The following RSU1 variants were observed in gnomAD, a reference collection of about 807,000 sequenced individuals.
The protein encoded by RSU1 is rsu-1.
Under a neutral mutation model 31.1 loss-of-function variants are expected in RSU1, and 26 were observed. The ratio of observed to expected loss-of-function variants is 0.84; its 90% CI spans 0.61 to 1.16. The LOEUF is 1.16. RSU1 is among the 50% of genes most tolerant of loss of function. RSU1 has a pLI of 0.00. For missense variants in RSU1, 320 were observed against 339.1 expected, an observed-to-expected ratio of 0.94 and a Z score of 0.44; for synonymous variants, 164 against 136.3, an observed-to-expected ratio of 1.20 and a Z score of -1.41.
intron 7 of RSU1, among the ~76,000 whole-genome samples, chr10:16,698,146 G>C (rs1009359455): frequency 6.6e-6 from 1 of 151,782 alleles, no homozygotes; most frequent in Non-Finnish European, 1.5e-5. Context: ...GAAAGGATCC[G>C]GGAAGGATGA....
At chr10:16,637,551 C>T (rs539169802) in intron 8 of RSU1, among the ~76,000 whole-genome samples, 7 of 151,800 alleles carry the variant, frequency 4.6e-5, no homozygotes, top group South Asian at 2.1e-4. Context: ...AATCCTTAGG[C>T]GGGGATGATC....
chr10:16,762,846 C>G (rs1459816380), intron 4 of RSU1, among the ~76,000 whole-genome samples: 1 of 152,058 alleles, frequency 6.6e-6, no homozygotes, highest in Non-Finnish European at 1.5e-5. Flanking sequence ...AACCCCATCT[C>G]TACTAAAAAT....
chr10:16,716,497 G>A (rs974202642), intron 7 of RSU1, among the ~76,000 whole-genome samples: 1 of 152,010 alleles, frequency 6.6e-6, no homozygotes, highest in African/African-American at 2.4e-5. Context: ...AGTCGGGTAG[G>A]GAATGAGAGG....
chr10:16,672,220 G>A (rs906323714), intron 8 of RSU1, among the ~76,000 whole-genome samples: 36 of 151,864 alleles, frequency 2.4e-4, no homozygotes, highest in African/African-American at 8.2e-4. Context: ...TGAGGCAGGA[G>A]AATGGCGTGA....
chr10:16,677,609 CT>C (rs1465373442), intron 8 of RSU1, among the ~76,000 whole-genome samples: 2 of 152,162 alleles, frequency 1.3e-5, no homozygotes, highest in Non-Finnish European at 2.9e-5. Context: ...TTGCAGTTCT[CT>C]TCTAACCATG....
chr10:16,797,148 G>A (rs1838055386), intron 2 of RSU1, among the ~76,000 whole-genome samples: 2 of 152,168 alleles, frequency 1.3e-5, no homozygotes, highest in Admixed American at 1.3e-4. Context: ...ACCACCTAGG[G>A]CTCCCTTGCA....
intron 8 of RSU1, among the ~76,000 whole-genome samples, chr10:16,671,525 T>C (rs1267201960): frequency 6.6e-6 from 1 of 152,132 alleles, no homozygotes; most frequent in Non-Finnish European, 1.5e-5. Context: ...CTGAGTTCAC[T>C]GTATCCTTAA....
At chr10:16,654,749 C>T (rs987692278) in intron 8 of RSU1, among the ~76,000 whole-genome samples, 1 of 151,478 alleles carries the variant, frequency 6.6e-6, no homozygotes, top group Non-Finnish European at 1.5e-5. Flanking sequence ...AGCCCAAGTG[C>T]ACCTTTTCCT....
At chr10:16,799,923 A>G (rs1838116070) in intron 2 of RSU1, among the ~76,000 whole-genome samples, 1 of 152,218 alleles carries the variant, frequency 6.6e-6, no homozygotes, top group Non-Finnish European at 1.5e-5. Flanking sequence ...ATCTAAGCAC[A>G]GGATTACAGA....
At chr10:16,758,191 A>G (rs186901672) in intron 4 of RSU1, among the ~76,000 whole-genome samples, 113 of 152,326 alleles carry the variant, frequency 7.4e-4, no homozygotes, top group African/African-American at 2.6e-3. Flanking sequence ...ACAAATGCTA[A>G]AACTTCAGAA....
chr10:16,765,717 A>T (rs950814040), intron 3 of RSU1, among the ~76,000 whole-genome samples: 3 of 152,192 alleles, frequency 2.0e-5, no homozygotes, highest in African/African-American at 7.2e-5. Flanking sequence ...TATCCAGATA[A>T]CTAAGAACAT....
chr10:16,790,564 G>C (rs1365522654), intron 2 of RSU1, among the ~76,000 whole-genome samples: 1 of 152,156 alleles, frequency 6.6e-6, no homozygotes, highest in Non-Finnish European at 1.5e-5. Flanking sequence ...ACAACTCACG[G>C]GTGATGGAGT....
chr10:16,658,480 T>A (rs545909079), intron 8 of RSU1, among the ~76,000 whole-genome samples: 26 of 152,194 alleles, frequency 1.7e-4, no homozygotes, highest in African/African-American at 6.0e-4. Context: ...TCCCAGCACT[T>A]TGGGAGGCTG....
chr10:16,617,947 C>G (rs1416404050), intron 8 of RSU1, among the ~76,000 whole-genome samples: 1 of 152,106 alleles, frequency 6.6e-6, no homozygotes, highest in African/African-American at 2.4e-5. Flanking sequence ...ACTAAAACAC[C>G]AAAAGCAATG....
At chr10:16,785,368 T>C (rs887379732) in intron 2 of RSU1, among the ~76,000 whole-genome samples, 4 of 149,416 alleles carry the variant, frequency 2.7e-5, no homozygotes, top group Non-Finnish European at 4.4e-5. Context: ...TGTGAGTTAA[T>C]ACTACTTAAT....
intron 7 of RSU1, among the ~76,000 whole-genome samples, chr10:16,725,244 C>A (rs1488243524): frequency 6.6e-6 from 1 of 152,176 alleles, no homozygotes; most frequent in East Asian, 1.9e-4. Flanking sequence ...ATCCTATGTA[C>A]ATCCTAGCAG....
At chr10:16,801,153 T>C (rs1487049126) in intron 2 of RSU1, among the ~76,000 whole-genome samples, 1 of 149,640 alleles carries the variant, frequency 6.7e-6, no homozygotes, top group Non-Finnish European at 1.5e-5. Flanking sequence ...ACTTTAAATA[T>C]AAAATATAGA....
intron 7 of RSU1, among the ~76,000 whole-genome samples, chr10:16,696,806 G>A (rs1041124675): frequency 6.6e-6 from 1 of 151,670 alleles, no homozygotes; most frequent in Admixed American, 6.6e-5. Flanking sequence ...ATCTCACCTG[G>A]GTTTCATCTT....
intron 2 of RSU1, among the ~76,000 whole-genome samples, chr10:16,790,987 G>C (rs995548152): frequency 6.6e-6 from 1 of 152,154 alleles, no homozygotes; most frequent in Non-Finnish European, 1.5e-5. Context: ...CTTTATAGCA[G>C]TGTGAGAACA....
Sources: allele counts gnomAD v4.1 joint callset (sites outside exome capture counted in the v4.1 genomes callset), GRCh38; gene constraint gnomAD v4.1.1; transcripts MANE v1.5; gene names NCBI Gene and HGNC (gene_info 2026-07-23, HGNC 2026-07-21).